The following SPAG1 variants were observed in gnomAD, a reference collection of about 807,000 sequenced individuals.
The protein encoded by SPAG1 is sperm-associated antigen 1.
A neutral mutation model predicts 100.5 loss-of-function variants in SPAG1; 69 were observed. The ratio of observed to expected loss-of-function variants is 0.69; its 90% CI spans 0.57 to 0.84. The LOEUF (loss-of-function observed/expected upper bound fraction) is 0.84. Ranked by LOEUF, SPAG1 falls within the 40% of genes least tolerant of loss-of-function variation. SPAG1 has a pLI of 0.00. For synonymous variants in SPAG1, 336 were observed against 411.6 expected, an observed-to-expected ratio of 0.82 and a Z score of 2.22; for missense variants, 955 against 1,133.1, an observed-to-expected ratio of 0.84 and a Z score of 2.26.
At chr8:100,175,089 G>A (rs747151317) in intron 3 of SPAG1, among the ~76,000 whole-genome samples, 12 of 151,342 alleles carry the variant, frequency 7.9e-5, no homozygotes, top group South Asian at 2.1e-4. Context: ...GGGCTCAAGC[G>A]ATCCTCCTGC....
intron 3 of SPAG1, among the ~76,000 whole-genome samples, chr8:100,175,249 A>G (rs542628489): frequency 1.3e-5 from 2 of 150,978 alleles, no homozygotes; most frequent in African/African-American, 4.9e-5. Context: ...TAGTGTTGAC[A>G]ATCCTTTCCA....
intron 7 of SPAG1, among the ~76,000 whole-genome samples, chr8:100,186,060 C>CTTTTTTTTT (rs71274962): frequency 5.6e-5 from 5 of 89,984 alleles, no homozygotes; most frequent in Non-Finnish European, 8.3e-5. Flanking sequence ...TGGGCAGATT[C>CTTTTTTTTT]TTTTTTTTTT....
chr8:100,222,186 T>G (rs1053641930), intron 13 of SPAG1, among the ~76,000 whole-genome samples: 2 of 152,180 alleles, frequency 1.3e-5, no homozygotes, highest in Non-Finnish European at 2.9e-5. Flanking sequence ...AGGACTTGCC[T>G]CCTCTAGGAA....
At chr8:100,166,014 A>T in intron 3 of SPAG1, 41 bp downstream of exon 3, 1 of 1,516,124 alleles carries the variant, frequency 6.6e-7, no homozygotes, top group Non-Finnish European at 9.1e-7. Context: ...TTGTTGAGAC[A>T]TTCTATATAT....
intron 3 of SPAG1, among the ~76,000 whole-genome samples, chr8:100,172,036 A>G (rs1211283079): frequency 3.3e-5 from 5 of 152,090 alleles, no homozygotes; most frequent in Admixed American, 3.3e-4. Flanking sequence ...CTGGGATTAC[A>G]GGCACGTGCC....
chr8:100,182,038 CTAA>C (rs1180858885), intron 4 of SPAG1, among the ~76,000 whole-genome samples: 1 of 152,126 alleles, frequency 6.6e-6, no homozygotes, highest in African/African-American at 2.4e-5. Context: ...AAACCTGAGC[CTAA>C]TGAGAATGAA....
chr8:100,200,064 A>G (rs1307842813), intron 10 of SPAG1, among the ~76,000 whole-genome samples: 1 of 152,150 alleles, frequency 6.6e-6, no homozygotes, highest in East Asian at 1.9e-4. Context: ...TGTCATTTAC[A>G]TTAGGTATAT....
In SPAG1 at chr8:100,165,868, T is replaced by G. The variant is rs761149767; in HGVS notation, c.195T>G (p.Leu65=). The change falls in exon 3 of 19, where the codon CTT becomes CTG. Residue 65 remains leucine (L), a synonymous_variant. Coordinates refer to ENST00000388798, the MANE Select transcript of SPAG1 (RefSeq NM_003114.5). ...PELTEFCEKH[L]QALAPESRAL... ...TTACAGAATTTTGTGAAAAGCATCTTCAAGCCTTGGCCCCTGAAAGCAGAG... is the reference window on the plus strand; with the variant it reads ...TTACAGAATTTTGTGAAAAGCATCTGCAAGCCTTGGCCCCTGAAAGCAGAG... 1.2e-6 allele frequency: 2 copies of G among 1,614,110 alleles called. No individual in the cohort carries two copies. Among genetic ancestry groups the G allele is most frequent in the Non-Finnish European group, 1.7e-6 (2 of 1,179,964 alleles).
chr8:100,211,867 G>A (rs1315968535), intron 10 of SPAG1, among the ~76,000 whole-genome samples: 2 of 152,130 alleles, frequency 1.3e-5, no homozygotes, highest in African/African-American at 4.8e-5. Flanking sequence ...GGTCAGACCC[G>A]AGGGGATACT....
chr8:100,227,958 C>A (rs576983765), intron 14 of SPAG1, among the ~76,000 whole-genome samples: 1 of 150,710 alleles, frequency 6.6e-6, no homozygotes, highest in Non-Finnish European at 1.5e-5. Flanking sequence ...GCAGTCTTCC[C>A]ACCTCAGTCC....
In SPAG1 at chr8:100,183,170, A is replaced by G. The variant is rs529213224; in HGVS notation, c.427-205A>G. On this transcript the variant is annotated intron_variant, in intron 4 of 18. Coordinates refer to ENST00000388798, the MANE Select transcript of SPAG1 (RefSeq NM_003114.5). ...GTATTTTTAGTAGAGACGGGGTTTCACCATGTTGGCCAGGCGGGTCTGGAA... is the reference window on the plus strand; with the variant it reads ...GTATTTTTAGTAGAGACGGGGTTTCGCCATGTTGGCCAGGCGGGTCTGGAA... 1.6e-4 allele frequency among the ~76,000 whole-genome samples: 25 copies of G among 152,104 alleles called. No individual in the cohort carries two copies. The East Asian group carries it at 4.6e-3, about 28-fold the overall frequency.
chr8:100,240,378 A>T, intron 17 of SPAG1, 25 bp from the exon 18 acceptor site: 7 of 1,559,080 alleles, frequency 4.5e-6, no homozygotes, highest in Non-Finnish European at 6.0e-6. Context: ...CAGTGTCACA[A>T]TGCATTTTTC....
At chr8:100,196,170 CT>C (rs1817021662) in intron 10 of SPAG1, among the ~76,000 whole-genome samples, 1 of 152,186 alleles carries the variant, frequency 6.6e-6, no homozygotes, top group Non-Finnish European at 1.5e-5. Context: ...TGAGTAAAAA[CT>C]GCTATACACA....
chr8:100,228,195 AGAAGAT>A (rs1818603817), intron 14 of SPAG1, among the ~76,000 whole-genome samples: 2 of 152,178 alleles, frequency 1.3e-5, no homozygotes, highest in Non-Finnish European at 2.9e-5. Context: ...GATTTGAAAT[AGAAGAT>A]GAAAAGTAAA....
intron 14 of SPAG1, among the ~76,000 whole-genome samples, chr8:100,230,386 G>A (rs566736042): frequency 4.6e-5 from 7 of 152,336 alleles, no homozygotes; most frequent in African/African-American, 1.7e-4. Context: ...CTGTAAAAGC[G>A]CTGTGTGAGG....
chr8:100,203,789 GC>G (rs1817389966), intron 10 of SPAG1, among the ~76,000 whole-genome samples: 2 of 152,176 alleles, frequency 1.3e-5, no homozygotes, highest in South Asian at 4.1e-4. Context: ...TGCCAAGATT[GC>G]CCTGAGTGAG....
intron 3 of SPAG1, among the ~76,000 whole-genome samples, chr8:100,168,069 A>C (rs1815643769): frequency 6.6e-6 from 1 of 152,318 alleles, no homozygotes; most frequent in South Asian, 2.1e-4. Flanking sequence ...CTTTGATAAG[A>C]CCCGCAGTGG....
chr8:100,213,041 C>T (rs1817794398), intron 10 of SPAG1, 49 bp from the exon 11 acceptor site: 2 of 1,365,688 alleles, frequency 1.5e-6, no homozygotes, highest in South Asian at 3.1e-5. Context: ...TCCGCGGCAA[C>T]TGCTCCCGGT....
intron 3 of SPAG1, 28 bp downstream of exon 3, chr8:100,166,001 A>C: frequency 6.4e-7 from 1 of 1,569,244 alleles, no homozygotes; most frequent in Non-Finnish European, 8.7e-7. Context: ...TTTTCCATAG[A>C]TATTGTTGAG....
Sources: gnomAD v4.1 joint callset for allele counts (sites outside exome capture counted in the v4.1 genomes callset) on GRCh38, gnomAD v4.1.1 for gene constraint, MANE v1.5 for transcripts, NCBI Gene and HGNC (gene_info 2026-07-23, HGNC 2026-07-21) for gene names.